TCF12: variants seen among roughly 807,000 people sequenced by gnomAD.
TCF12 encodes the protein transcription factor 12.
In TCF12, 45 loss-of-function variants were observed where a neutral mutation model predicts 86.0. The observed-to-expected ratio is 0.52, with a 90% CI of 0.41 to 0.67. The LOEUF (loss-of-function observed/expected upper bound fraction) is 0.67. Among genes scored for constraint, TCF12 ranks in the 30% least tolerant of loss-of-function variants. The pLI, the probability that TCF12 is intolerant of heterozygous loss-of-function variation, is 0.00. For synonymous variants in TCF12, 330 were observed against 299.6 expected (o/e 1.10, Z -1.05); for missense variants, 881 against 859.9 (o/e 1.02, Z -0.31).
At chr15:57,052,419 C>T (rs1483213576) in intron 3 of TCF12, among the ~76,000 whole-genome samples, 2 of 151,964 alleles carry the variant, frequency 1.3e-5, no homozygotes, top group Admixed American at 6.6e-5. Context: ...AGGTGGATAA[C>T]CTGAGGTCAG....
intron 16 of TCF12, among the ~76,000 whole-genome samples, chr15:57,254,157 A>C (rs796839910): frequency 8.5e-5 from 13 of 152,310 alleles, no homozygotes; most frequent in African/African-American, 2.9e-4. Context: ...ATGTGTTGGC[A>C]TGTTTATGGC....
intron 6 of TCF12, among the ~76,000 whole-genome samples, chr15:57,172,291 G>C (rs1362568033): frequency 6.6e-6 from 1 of 152,150 alleles, no homozygotes; most frequent in Non-Finnish European, 1.5e-5. Context: ...TGACAATCAT[G>C]CTTGGAAAAT....
At chr15:57,004,471 C>T (rs1274305984) in intron 3 of TCF12, among the ~76,000 whole-genome samples, 4 of 152,124 alleles carry the variant, frequency 2.6e-5, no homozygotes, top group Admixed American at 1.3e-4. Context: ...TGCAGTGGCG[C>T]GATCTCAACT....
intron 5 of TCF12, among the ~76,000 whole-genome samples, chr15:57,164,669 G>T (rs751685668): frequency 2.0e-5 from 3 of 151,882 alleles, no homozygotes; most frequent in African/African-American, 4.8e-5. Context: ...GTCACAATAA[G>T]AATTTTTTTT....
At position 57,192,278 on chromosome 15, in the gene TCF12, G is replaced by C; in HGVS notation, c.511G>C (p.Asp171His). ...AAGTTCCAGGAGGAGACCACTCCATGACTCTGCAGCGCTTGGTGAGTGTAT... is the reference window on the plus strand; with the variant it reads ...AAGTTCCAGGAGGAGACCACTCCATCACTCTGCAGCGCTTGGTGAGTGTAT... ...ATSSRRRPLH[D>H]SAALDPLQAK... Residue 171 changes from aspartate (D) to histidine (H), a missense_variant, in exon 7 of 21, where the codon GAC (aspartate) becomes CAC (histidine). Asp to His is a moderately conservative substitution (Grantham distance 81). Coordinates refer to ENST00000333725, the MANE Select transcript of TCF12 (RefSeq NM_207037.2). 6.2e-7 allele frequency: 1 copy of C among 1,613,998 alleles called. No homozygotes were observed. Among genetic ancestry groups the C allele is most frequent in the South Asian group, 1.1e-5 (1 of 91,052 alleles).
chr15:57,283,745 TTTGA>T (rs1406397935), intron 20 of TCF12, among the ~76,000 whole-genome samples: 1 of 152,208 alleles, frequency 6.6e-6, no homozygotes, highest in Admixed American at 6.5e-5. Context: ...AAGTCTGGAA[TTTGA>T]TAGATTGTTT....
chr15:56,991,966 T>C (rs775290626), intron 3 of TCF12, among the ~76,000 whole-genome samples: 16 of 152,040 alleles, frequency 1.1e-4, no homozygotes, highest in Non-Finnish European at 1.8e-4. Flanking sequence ...TAAAAATTGA[T>C]CTCCTATGCC....
chr15:57,024,041 T>C (rs1184806621), intron 3 of TCF12, among the ~76,000 whole-genome samples: 1 of 152,102 alleles, frequency 6.6e-6, no homozygotes. Flanking sequence ...TACCTCCTAC[T>C]GTGGAGCCTG....
chr15:57,279,062 A>G (rs2061560517), intron 19 of TCF12, among the ~76,000 whole-genome samples: 2 of 148,726 alleles, frequency 1.3e-5, no homozygotes, highest in East Asian at 2.0e-4. Flanking sequence ...TGGCACAATC[A>G]TGGCTCACTG....
At chr15:57,032,127 C>T (rs944227707) in intron 3 of TCF12, among the ~76,000 whole-genome samples, 4 of 152,078 alleles carry the variant, frequency 2.6e-5, no homozygotes, top group South Asian at 2.1e-4. Flanking sequence ...AAAGAGACCT[C>T]GTGAAGTCGT....
intron 5 of TCF12, among the ~76,000 whole-genome samples, chr15:57,130,630 A>G (rs1240894663): frequency 6.6e-6 from 1 of 152,230 alleles, no homozygotes; most frequent in Non-Finnish European, 1.5e-5. Context: ...TTTAAACAAC[A>G]GAGTTGGGAT....
intron 5 of TCF12, among the ~76,000 whole-genome samples, chr15:57,142,498 A>G (rs1476780309): frequency 7.6e-5 from 3 of 39,506 alleles, no homozygotes; most frequent in East Asian, 5.7e-4. Flanking sequence ...CCCACTGGCC[A>G]AATCTGTACA....
At chr15:56,982,176 G>A (rs2062926118) in intron 3 of TCF12, among the ~76,000 whole-genome samples, 1 of 152,058 alleles carries the variant, frequency 6.6e-6, no homozygotes. Flanking sequence ...AGATAATAGT[G>A]GGGAGCAAGA....
intron 3 of TCF12, among the ~76,000 whole-genome samples, chr15:56,967,019 G>A (rs991670710): frequency 6.6e-6 from 1 of 152,084 alleles, no homozygotes; most frequent in Non-Finnish European, 1.5e-5. Flanking sequence ...CTACTCGGGA[G>A]GCTGAGACAT....
intron 12 of TCF12, among the ~76,000 whole-genome samples, chr15:57,241,412 C>G (rs1166488621): frequency 6.6e-6 from 1 of 152,002 alleles, no homozygotes; most frequent in African/African-American, 2.4e-5. Flanking sequence ...CTTATACTAC[C>G]TCTCTGTTAC....
intron 5 of TCF12, among the ~76,000 whole-genome samples, chr15:57,099,343 G>C (rs2733194): frequency 6.6e-6 from 1 of 152,056 alleles, no homozygotes; most frequent in Non-Finnish European, 1.5e-5. Context: ...GAGTACTCCT[G>C]TATGGACTCA....
chr15:56,925,028 A>G (rs185638947), intron 3 of TCF12, among the ~76,000 whole-genome samples: 127 of 152,148 alleles, frequency 8.3e-4, no homozygotes, highest in African/African-American at 2.9e-3. Flanking sequence ...GTGAAACCCT[A>G]TTTCTACTAA....
intron 9 of TCF12, 106 bp downstream of exon 9, chr15:57,231,363 G>T: frequency 2.5e-6 from 2 of 813,222 alleles, no homozygotes; most frequent in Non-Finnish European, 3.7e-6. Flanking sequence ...CCTTATTTAG[G>T]CATTTTTTTT....
intron 3 of TCF12, among the ~76,000 whole-genome samples, chr15:57,026,272 A>G (rs1354206642): frequency 6.6e-6 from 1 of 152,248 alleles, no homozygotes; most frequent in African/African-American, 2.4e-5. Context: ...ACCAGCCAAT[A>G]GTGTGCCAAA....
Sources: gnomAD v4.1 joint callset for allele counts (sites outside exome capture counted in the v4.1 genomes callset) on GRCh38, gnomAD v4.1.1 for gene constraint, MANE v1.5 for transcripts, NCBI Gene and HGNC (gene_info 2026-07-23, HGNC 2026-07-21) for gene names.